The following CIB2 variants were observed in gnomAD, a reference collection of about 807,000 sequenced individuals.
CIB2 encodes calcium and integrin binding family member 2.
A neutral mutation model predicts 23.1 loss-of-function variants in CIB2; 19 were observed. The ratio of observed to expected loss-of-function variants is 0.82; its 90% CI spans 0.57 to 1.21. The LOEUF (loss-of-function observed/expected upper bound fraction) is 1.21, where lower values mean the gene tolerates loss of function less well. Among genes scored for constraint, CIB2 ranks in the 50% most tolerant of loss-of-function variants. The probability of loss-of-function intolerance (pLI) is 0.00; values close to 1 mark genes in which losing one functional copy is unlikely to be tolerated. For synonymous variants in CIB2, 94 were observed against 91.7 expected (o/e 1.03, Z -0.14); for missense variants, 220 against 241.5 (o/e 0.91, Z 0.59).
rs1183695297 is a variant in CIB2 at position 78,131,368 on chromosome 15, C to G, written c.-153G>C. 1 of 382,524 alleles carries G rather than the reference C, an allele frequency of 2.6e-6. No homozygotes were observed. The highest frequency in any genetic ancestry group is 2.2e-5 in the African/African-American group (1 of 45,778). 23.7% of individuals were successfully genotyped at this position (382,524 alleles called of 1,614,324 possible). ...GGACCCTTCCCGCCCCGCAGCTCGCCTGGAGGAGGCGCGCGGGGGTCTCGG... is the reference window on the plus strand; with the variant it reads ...GGACCCTTCCCGCCCCGCAGCTCGCGTGGAGGAGGCGCGCGGGGGTCTCGG... On this transcript the variant is annotated 5_prime_UTR_variant, in exon 1 of 6. Coordinates refer to ENST00000258930, the MANE Select transcript of CIB2 (RefSeq NM_006383.4). This position sits in a 1 kb window ranked among gnomAD's most constrained non-coding sequence, Gnocchi z 5.8.
chr15:78,109,916 G>A (rs3784327), intron 3 of CIB2, among the ~76,000 whole-genome samples: 67,273 of 151,802 alleles, frequency 0.44, 15,733 homozygotes, highest in East Asian at 0.72. Context: ...TTACCCAGAA[G>A]AGCACACAGA....
chr15:78,105,011 G>C lies in CIB2; in HGVS notation c.*300C>G, dbSNP rs1297327084. ...TTGGGTTATCTGCTTTTCCCTCTTT[G>C]GGGGGGTGGGGAGCATTTCTGGAGT... On this transcript the variant is annotated 3_prime_UTR_variant, in exon 6 of 6. Transcript: ENST00000258930. 3.1e-5 allele frequency: 13 copies of C among 421,508 alleles called. 1 individual carries two copies. In the Admixed American group the frequency reaches 3.1e-4, roughly 10 times the overall value. The allele number at this position is 421,508 out of a possible 1,614,324, so 26.1% of individuals were successfully genotyped here.
rs188467283 is a variant in CIB2 at position 78,124,868 on chromosome 15, C to A, written c.52-1129G>T. On this transcript the variant is annotated intron_variant, in intron 1 of 5. Transcript: ENST00000258930. Reference sequence around the variant, plus strand: ...GCTGGACATCAGGGCAATTGGATTGCGTGTTAAGAGGCCCAAAGAGAGGAC... The same window carrying A: ...GCTGGACATCAGGGCAATTGGATTGAGTGTTAAGAGGCCCAAAGAGAGGAC... Among the ~76,000 whole-genome samples, 15 of 152,290 alleles carry A rather than the reference C, an allele frequency of 9.8e-5. No homozygotes were observed. The East Asian group carries it at 2.7e-3, about 27-fold the overall frequency.
At chr15:78,109,200 C>CGGGGGG in intron 4 of CIB2, 35 bp downstream of exon 4, 2 of 1,159,150 alleles carry the variant, frequency 1.7e-6, no homozygotes, top group Non-Finnish European at 2.5e-6. Context: ...GTTCCCCCAC[C>CGGGGGG]GCATATTCAG....
intron 1 of CIB2, among the ~76,000 whole-genome samples, chr15:78,125,213 C>G (rs545884681): frequency 5.3e-5 from 8 of 152,332 alleles, no homozygotes; most frequent in Non-Finnish European, 1.0e-4. Context: ...CAGGCACAGA[C>G]AGGCTGGAGA....
chr15:78,108,319 G>T (rs1468870937), intron 4 of CIB2, among the ~76,000 whole-genome samples: 1 of 152,090 alleles, frequency 6.6e-6, no homozygotes, highest in East Asian at 1.9e-4. Context: ...CAGGAGCTTT[G>T]ACCTTGACTC....
At chr15:78,130,506 A>C (rs1310072108) in intron 1 of CIB2, among the ~76,000 whole-genome samples, 1 of 152,112 alleles carries the variant, frequency 6.6e-6, no homozygotes, top group African/African-American at 2.4e-5. Context: ...GGGATTCCAG[A>C]TCTGGAAAGC....
At chr15:78,115,963 T>C (rs1383902934) in intron 2 of CIB2, among the ~76,000 whole-genome samples, 1 of 152,012 alleles carries the variant, frequency 6.6e-6, no homozygotes, top group Non-Finnish European at 1.5e-5. Context: ...GGTCCATGAG[T>C]TCTGCATATG....
chr15:78,112,065 C>T (rs11856461), intron 2 of CIB2, among the ~76,000 whole-genome samples: 1 of 152,108 alleles, frequency 6.6e-6, no homozygotes, highest in Non-Finnish European at 1.5e-5. Context: ...TAGCTCCTGT[C>T]CCAGCCTCCA....
intron 4 of CIB2, among the ~76,000 whole-genome samples, chr15:78,108,118 C>T (rs2074097904): frequency 3.3e-5 from 5 of 149,286 alleles, no homozygotes; most frequent in South Asian, 4.2e-4. Context: ...GCAAGAGAAT[C>T]GCTTGAACCC....
chr15:78,126,355 G>C (rs1434078889), intron 1 of CIB2, among the ~76,000 whole-genome samples: 2 of 152,150 alleles, frequency 1.3e-5, no homozygotes, highest in Non-Finnish European at 1.5e-5. Flanking sequence ...ATATTGGTCA[G>C]GCTGGTCTCG....
Position 78,105,083 on chromosome 15 carries a change from G to C in CIB2, c.*228C>G. 1.7e-6 allele frequency: 1 copy of C among 577,760 alleles called. No homozygotes were observed. Among genetic ancestry groups the C allele is most frequent in the Non-Finnish European group, 3.0e-6 (1 of 328,586 alleles). 35.8% of individuals were successfully genotyped at this position (577,760 alleles called of 1,614,324 possible). A position where few individuals can be genotyped will look rare whatever the true frequency, so the allele number is the denominator to read the frequency against. On this transcript the variant is annotated 3_prime_UTR_variant, in exon 6 of 6. Transcript: ENST00000258930. ...GCGGGGTGCGGAGGGCCTGGAGAGAGGCCATGGGTCCCGGGGCTGGACCAC... is the reference window on the plus strand; with the variant it reads ...GCGGGGTGCGGAGGGCCTGGAGAGACGCCATGGGTCCCGGGGCTGGACCAC...
chr15:78,128,014 A>G (rs989166113), intron 1 of CIB2, among the ~76,000 whole-genome samples: 6 of 152,186 alleles, frequency 3.9e-5, no homozygotes, highest in Admixed American at 3.9e-4. Context: ...CTTAACAAAT[A>G]TTTGTTCATT....
At position 78,118,113 on chromosome 15, in the gene CIB2, C is replaced by T. The variant is rs528051017; in HGVS notation, c.86+5592G>A. On this transcript the variant is annotated intron_variant, in intron 2 of 5. Coordinates refer to ENST00000258930, the MANE Select transcript of CIB2 (RefSeq NM_006383.4). ...ATATCTAATGATATTGAAAGTTGTT[C>T]GCAAGATGTTAAATGAAAAAAGCAG... 2.0e-3 allele frequency among the ~76,000 whole-genome samples: 302 copies of T among 152,056 alleles called. 1 individual carries two copies. The highest frequency in any genetic ancestry group is 6.9e-3 in the African/African-American group (285 of 41,468).
intron 1 of CIB2, 106 bp from the exon 2 acceptor site, chr15:78,123,845 G>T (rs2141913669): frequency 7.9e-7 from 1 of 1,264,304 alleles, no homozygotes; most frequent in Non-Finnish European, 1.2e-6. Context: ...CCGGACTGGG[G>T]ACAGAAGAGT....
At chr15:78,127,155 C>A (rs898792214) in intron 1 of CIB2, among the ~76,000 whole-genome samples, 3 of 152,204 alleles carry the variant, frequency 2.0e-5, no homozygotes, top group Non-Finnish European at 4.4e-5. Flanking sequence ...ATCCACCACC[C>A]AGGTCCCAAA....
chr15:78,116,764 A>G (rs1234579957), intron 2 of CIB2, among the ~76,000 whole-genome samples: 1 of 152,158 alleles, frequency 6.6e-6, no homozygotes, highest in Non-Finnish European at 1.5e-5. Flanking sequence ...TTTTTCTATT[A>G]TGTATTAACA....
At position 78,105,894 on chromosome 15, in the gene CIB2, C is replaced by T. The variant is rs2074063510; in HGVS notation, c.387G>A (p.Glu129=). The T allele has an allele frequency of 1.2e-6, 2 of 1,614,096 alleles. No individual in the cohort carries two copies. Among genetic ancestry groups the T allele is most frequent in the Non-Finnish European group, 8.5e-7 (1 of 1,180,038 alleles). ...ACTTAGTGAGCCGGGCCAGCGTCAG[C>T]TCCAGGTCCTCCTTGCAGATGAAGT... is the stretch of plus-strand genomic sequence containing the variant. ...TDNFICKEDL[E]LTLARLTKSE... Residue 129 remains glutamate, a synonymous_variant, in exon 5 of 6, where the codon GAG becomes GAA. Coordinates refer to ENST00000258930, the MANE Select transcript of CIB2 (RefSeq NM_006383.4).
intron 2 of CIB2, among the ~76,000 whole-genome samples, chr15:78,113,083 C>T (rs1224226847): frequency 6.6e-6 from 1 of 152,178 alleles, no homozygotes; most frequent in Admixed American, 6.5e-5. Flanking sequence ...AAGTGTCTTC[C>T]CCATCCTACA....
Sources: gnomAD v4.1 joint callset for allele counts (sites outside exome capture counted in the v4.1 genomes callset) on GRCh38, gnomAD v4.1.1 for gene constraint, Gnocchi (gnomAD v3.1) non-coding constraint, MANE v1.5 for transcripts, NCBI Gene and HGNC (gene_info 2026-07-23, HGNC 2026-07-21) for gene names.